ASMTL: variants seen among roughly 807,000 people sequenced by gnomAD.
ASMTL encodes probable bifunctional dTTP/UTP pyrophosphatase/methyltransferase protein.
A neutral mutation model predicts 60.3 loss-of-function variants in ASMTL; 57 were observed. The ratio of observed to expected loss-of-function variants is 0.95; its 90% confidence interval spans 0.76 to 1.18. The LOEUF (loss-of-function observed/expected upper bound fraction) is 1.18. Among genes scored for constraint, ASMTL ranks in the 50% most tolerant of loss-of-function variants. The pLI is 0.00. For missense variants in ASMTL, 981 were observed against 852.6 expected (o/e 1.15, Z -1.88); for synonymous variants, 419 against 373.0 (o/e 1.12, Z -1.42).
chrX:1,424,394 A>ATCCATCTCTCCCCCCC (rs2090556221), intron 8 of ASMTL, among the ~76,000 whole-genome samples: 1 of 26,300 alleles, frequency 3.8e-5, no homozygotes, highest in Non-Finnish European at 1.2e-4. Context: ...CTGTCCACCC[A>ATCCATCTCTCCCCCCC]CCCATCCGTC....
At chrX:1,426,624 G>A (rs1363783863) in intron 7 of ASMTL, among the ~76,000 whole-genome samples, 5 of 152,122 alleles carry the variant, frequency 3.3e-5, no homozygotes, top group Non-Finnish European at 7.4e-5. Flanking sequence ...AGGCCGAGGC[G>A]GGTGGATCAG....
intron 1 of ASMTL, among the ~76,000 whole-genome samples, chrX:1,451,920 A>ATGCCT: frequency 9.1e-6 from 1 of 110,018 alleles, no homozygotes; most frequent in Non-Finnish European, 1.9e-5. Context: ...CCCCATCCCT[A>ATGCCT]GGGGGTCCCG....
At chrX:1,438,033 C>A (rs1231212851) in intron 3 of ASMTL, among the ~76,000 whole-genome samples, 14 of 151,326 alleles carry the variant, frequency 9.3e-5, no homozygotes, top group African/African-American at 1.9e-4. Context: ...TCACGCCTGT[C>A]ATCCCAGCAC....
chrX:1,435,585 C>CA, intron 4 of ASMTL, 109 bp downstream of exon 4: 1 of 1,042,668 alleles, frequency 9.6e-7, no homozygotes, highest in African/African-American at 1.6e-5. Context: ...ACAGCTCAGA[C>CA]GGCAGAGCTG....
intron 1 of ASMTL, among the ~76,000 whole-genome samples, chrX:1,448,784 GCCATCTTGGATAAGCACCA>G (rs2091288126): frequency 6.7e-6 from 1 of 150,046 alleles, no homozygotes; most frequent in Non-Finnish European, 1.5e-5. Flanking sequence ...GACACACACC[GCCATCTTGGATAAGCACCA>G]CCATCTTGGA....
intron 9 of ASMTL, among the ~76,000 whole-genome samples, chrX:1,419,603 G>A (rs1321545225): frequency 6.6e-6 from 1 of 151,972 alleles, no homozygotes; most frequent in African/African-American, 2.4e-5. Context: ...TCCCCCCAGT[G>A]GCACCTACCC....
At position 1,424,819 on chromosome X, in the gene ASMTL, TATCC is replaced by T. The variant is rs371122268; in HGVS notation, c.1060+702_1060+705del. On this transcript the variant is annotated intron_variant, in intron 8 of 12. Coordinates refer to ENST00000381317, the MANE Select transcript of ASMTL (RefSeq NM_004192.4). Reference sequence around the variant, plus strand: ...CCACCCATCTACCCACCCTTCCATTTATCCATCCACCTCTCCATCCATCCATCTA... The same window carrying T: ...CCACCCATCTACCCACCCTTCCATTTATCCACCTCTCCATCCATCCATCTA... Among the ~76,000 whole-genome samples, 266 of 128,370 alleles carry T rather than the reference TATCC, an allele frequency of 2.1e-3. 1 individual carries two copies. The highest frequency in any genetic ancestry group is 7.6e-3 in the African/African-American group (254 of 33,320). The allele number at this position is 128,370 out of a possible 152,430, so 84.2% of individuals were successfully genotyped here. A position where few individuals can be genotyped will look rare whatever the true frequency, so the allele number is the denominator to read the frequency against.
chrX:1,448,493 T>C (rs1461094889), intron 1 of ASMTL, among the ~76,000 whole-genome samples: 2 of 146,750 alleles, frequency 1.4e-5, no homozygotes, highest in Non-Finnish European at 3.0e-5. Flanking sequence ...CACACTGCCA[T>C]CTTGGATAAG....
chrX:1,417,851 CACAT>C (rs2090352829), intron 11 of ASMTL, 118 bp downstream of exon 11: 2 of 1,308,952 alleles, frequency 1.5e-6, no homozygotes, highest in Non-Finnish European at 1.0e-6. Context: ...CATTTGCACA[CACAT>C]ACCCACCATG....
chrX:1,429,780 G>C (rs2090717931), intron 6 of ASMTL, among the ~76,000 whole-genome samples: 3 of 151,644 alleles, frequency 2.0e-5, no homozygotes, highest in Non-Finnish European at 4.4e-5. Context: ...CTGGGTGACG[G>C]AGGAAGACTC....
intron 3 of ASMTL, 41 bp downstream of exon 3, chrX:1,439,056 C>G: frequency 1.2e-6 from 2 of 1,608,972 alleles, no homozygotes; most frequent in Non-Finnish European, 1.7e-6. Flanking sequence ...ACAGGAAAAC[C>G]ACATCGGACA....
chrX:1,415,437 G>A (rs2090204901), intron 11 of ASMTL, among the ~76,000 whole-genome samples: 1 of 148,270 alleles, frequency 6.7e-6, no homozygotes, highest in African/African-American at 2.5e-5. Context: ...TCGTCCACCT[G>A]TTTATTTTTA....
chrX:1,412,953 C>T, intron 11 of ASMTL, 99 bp from the exon 12 acceptor site: 1 of 1,358,642 alleles, frequency 7.4e-7, no homozygotes, highest in Non-Finnish European at 1.0e-6. Context: ...AAATCAGGGA[C>T]AGAGAAGAGA....
intron 3 of ASMTL, 89 bp from the exon 4 acceptor site, chrX:1,435,847 G>T: frequency 8.7e-7 from 1 of 1,153,540 alleles, no homozygotes; most frequent in Non-Finnish European, 1.3e-6. Flanking sequence ...GAAGTCACTT[G>T]TTTTATGGAA....
chrX:1,403,232 G>A lies in ASMTL; in HGVS notation c.*37C>T. On this transcript the variant is annotated 3_prime_UTR_variant, in exon 13 of 13. Transcript: ENST00000381317. ...ACCGGGCGGTCCACCTGCAGCCTGG[G>A]GGAGGACATCCCTATAATGAACATG... 6.3e-7 allele frequency: 1 copy of A among 1,579,736 alleles called. No individual in the cohort carries two copies.
rs771120526 is a variant in ASMTL, at chrX:1,417,822, C to G, written c.1522+151G>C. ...ATGCACACAGAGAGACACACACACA[C>G]AAGCACCGTAGACAGTCCCATTTGC... On this transcript the variant is annotated intron_variant, in intron 11 of 12. Coordinates refer to ENST00000381317, the MANE Select transcript of ASMTL (RefSeq NM_004192.4). The G allele has an allele frequency of 2.9e-5, 28 of 953,592 alleles. No individual in the cohort carries two copies. The Admixed American group carries it at 8.5e-4, about 29-fold the overall frequency. 59.1% of individuals were successfully genotyped at this position (953,592 alleles called of 1,614,324 possible). A position where few individuals can be genotyped will look rare whatever the true frequency, so the allele number is the denominator to read the frequency against.
At chrX:1,407,804 AAAGGAGG>A (rs1248353405) in intron 12 of ASMTL, among the ~76,000 whole-genome samples, 5 of 150,564 alleles carry the variant, frequency 3.3e-5, no homozygotes, top group Admixed American at 6.6e-5. Flanking sequence ...CAGAGAAGAT[AAAGGAGG>A]AAGGAGGAGA....
Position 1,452,853 on chromosome X carries a change from G to C in ASMTL, c.-13C>G. The C allele has an allele frequency of 1.3e-6, 2 of 1,553,628 alleles. No individual in the cohort carries two copies. Among genetic ancestry groups the C allele is most frequent in the Non-Finnish European group, 1.7e-6 (2 of 1,158,346 alleles). ...GGCACAGCACCATGGCGTCCACGCC[G>C]GGAGCCGGGCGTCCGCACTTCTGAG... On this transcript the variant is annotated 5_prime_UTR_variant, in exon 1 of 13. Transcript: ENST00000381317.
At chrX:1,421,197 T>C (rs2090476328) in intron 9 of ASMTL, among the ~76,000 whole-genome samples, 1 of 151,962 alleles carries the variant, frequency 6.6e-6, no homozygotes, top group Non-Finnish European at 1.5e-5. Context: ...ACTCCTGACC[T>C]CAGGTGATCA....
Sources: allele counts gnomAD v4.1 joint callset (sites outside exome capture counted in the v4.1 genomes callset), GRCh38; gene constraint gnomAD v4.1.1; transcripts MANE v1.5; gene names NCBI Gene and HGNC (gene_info 2026-07-23, HGNC 2026-07-21).